ABCB7: variants seen among roughly 807,000 people sequenced by gnomAD.
The protein encoded by ABCB7 is iron-sulfur clusters transporter ABCB7, mitochondrial.
Under a neutral mutation model 54.4 loss-of-function variants are expected in ABCB7, and 7 were observed. The ratio of observed to expected loss-of-function variants is 0.13; its 90% CI spans 0.07 to 0.24. The LOEUF (loss-of-function observed/expected upper bound fraction) is 0.24. Among genes scored for constraint, ABCB7 ranks in the 10% least tolerant of loss-of-function variants. The probability of loss-of-function intolerance (pLI) is 1.00; values close to 1 mark genes in which losing one functional copy is unlikely to be tolerated. For missense variants in ABCB7, 356 were observed against 570.4 expected (o/e 0.62, Z 3.83); for synonymous variants, 218 against 207.1 (o/e 1.05, Z -0.45).
intron 1 of ABCB7, among the ~76,000 whole-genome samples, chrX:75,117,357 C>T (rs555763081): frequency 1.1e-4 from 12 of 110,963 alleles, no homozygotes; most frequent in East Asian, 5.7e-4. Context: ...AAATCACCTG[C>T]GCACACCAAT....
intron 1 of ABCB7, among the ~76,000 whole-genome samples, chrX:75,131,046 TA>T (rs1348279445): frequency 9.1e-6 from 1 of 109,430 alleles, no homozygotes; most frequent in African/African-American, 3.3e-5. Flanking sequence ...CAGTAAAATT[TA>T]AAAACATGTA....
intron 3 of ABCB7, among the ~76,000 whole-genome samples, chrX:75,102,092 C>G (rs1430657379): frequency 9.0e-6 from 1 of 111,016 alleles, no homozygotes; most frequent in East Asian, 2.8e-4. Flanking sequence ...TTATGGGGTA[C>G]ACGTGAGATT....
chrX:75,102,044 G>A (rs972832821), intron 3 of ABCB7, among the ~76,000 whole-genome samples: 1 of 111,130 alleles, frequency 9.0e-6, no homozygotes, highest in Non-Finnish European at 1.9e-5. Flanking sequence ...TTCAGAGTCC[G>A]AGGCACAGTT....
chrX:75,085,982 G>A (rs1389463408), intron 4 of ABCB7, among the ~76,000 whole-genome samples: 2 of 109,340 alleles, frequency 1.8e-5, no homozygotes, highest in African/African-American at 6.7e-5. Context: ...GAGTAGCTAG[G>A]ACTACAGGCA....
rs192491460 is a variant in ABCB7, at chrX:75,144,097, T to C, written c.168+12008A>G. 2.7e-5 allele frequency among the ~76,000 whole-genome samples: 3 copies of C among 111,497 alleles called. No individual in the cohort carries two copies. The East Asian group carries it at 8.5e-4, about 31-fold the overall frequency. ...CCTCATGACAGGCAATGCAGGCACT[T>C]ATCACTTCTCTCCTATATTACTTCA... On this transcript the variant is annotated intron_variant, in intron 1 of 15. Coordinates refer to ENST00000373394, the MANE Select transcript of ABCB7 (RefSeq NM_001271696.3).
rs769912471 is a variant in ABCB7, at chrX:75,065,062, C to T, written c.1831+8G>A. 3 of 1,209,892 alleles carry T rather than the reference C, an allele frequency of 2.5e-6. No individual in the cohort carries two copies. The South Asian group carries it at 5.3e-5, about 21-fold the overall frequency. On this transcript the variant is annotated splice_region_variant and intron_variant, in intron 13 of 15. Coordinates refer to ENST00000373394, the MANE Select transcript of ABCB7 (RefSeq NM_001271696.3). ...CAAGAAGGGGGCAGGTCTAAAATCT[C>T]TGATCACCTGAAAGCTTGAGTCCTC... is the stretch of plus-strand genomic sequence containing the variant.
chrX:75,058,548 T>C (rs900900569), intron 15 of ABCB7, among the ~76,000 whole-genome samples: 16 of 111,883 alleles, frequency 1.4e-4, no homozygotes, highest in Admixed American at 1.3e-3. Flanking sequence ...GCTAAGGTCA[T>C]ATTAGTTTCA....
intron 1 of ABCB7, among the ~76,000 whole-genome samples, chrX:75,126,814 T>G (rs1470255420): frequency 4.5e-5 from 5 of 111,342 alleles, no homozygotes; most frequent in Admixed American, 9.5e-5. Context: ...CTAGAAGAAA[T>G]GGATAAAATC....
Position 75,094,044 on chromosome X carries a change from ATATATATATC to A in ABCB7, c.453+4888_453+4897del, listed in dbSNP as rs1201707257. Among the ~76,000 whole-genome samples, 133 of 22,348 alleles carry A rather than the reference ATATATATATC, an allele frequency of 6.0e-3. 2 individuals carry two copies. The highest frequency in any genetic ancestry group is 8.4e-3 in the Admixed American group (11 of 1,317). 19.4% of individuals were successfully genotyped at this position (22,348 alleles called of 115,157 possible). The stretch of plus-strand genomic sequence containing the variant: ...CATATATATATATATATATATATAT[ATATATATATC>A]TATCTTATTATTTGTTAGTCACTCA... On this transcript the variant is annotated intron_variant, in intron 4 of 15. Coordinates refer to ENST00000373394, the MANE Select transcript of ABCB7 (RefSeq NM_001271696.3).
chrX:75,078,009 G>A (rs5981762), intron 4 of ABCB7, among the ~76,000 whole-genome samples: 3,047 of 107,580 alleles, frequency 0.028, 116 homozygotes, highest in African/African-American at 0.099. Flanking sequence ...CGCCTCCTGG[G>A]TTCAAGCGAT....
chrX:75,092,551 A>G (rs2081552816), intron 4 of ABCB7, among the ~76,000 whole-genome samples: 1 of 111,682 alleles, frequency 9.0e-6, no homozygotes, highest in Non-Finnish European at 1.9e-5. Flanking sequence ...TGATCCATGA[A>G]AGACTGGTAA....
chrX:75,073,262 T>G (rs1177946564), intron 8 of ABCB7, among the ~76,000 whole-genome samples: 2 of 112,078 alleles, frequency 1.8e-5, no homozygotes, highest in East Asian at 5.6e-4. Context: ...TATCAAATAT[T>G]AAATGATGGG....
chrX:75,084,663 A>C (rs1048375891), intron 4 of ABCB7, among the ~76,000 whole-genome samples: 13 of 112,003 alleles, frequency 1.2e-4, no homozygotes, highest in African/African-American at 3.9e-4. Flanking sequence ...TTTGTTCTAC[A>C]TAAAATACTA....
chrX:75,131,852 G>C (rs764984972), intron 1 of ABCB7, among the ~76,000 whole-genome samples: 1 of 111,669 alleles, frequency 9.0e-6, no homozygotes, highest in Admixed American at 9.5e-5. Context: ...TCTCTCTGAG[G>C]AAGAAATCCC....
chrX:75,133,537 C>A (rs1218139560), intron 1 of ABCB7, among the ~76,000 whole-genome samples: 1 of 111,137 alleles, frequency 9.0e-6, no homozygotes, highest in Admixed American at 9.6e-5. Flanking sequence ...GTCATCAGAT[C>A]CCCCAAGGTC....
intron 4 of ABCB7, among the ~76,000 whole-genome samples, chrX:75,089,280 T>C (rs1370042066): frequency 8.9e-6 from 1 of 112,059 alleles, no homozygotes; most frequent in Non-Finnish European, 1.9e-5. Flanking sequence ...AATAAATTAA[T>C]GTAAAATAAA....
At chrX:75,147,988 C>T (rs764972199) in intron 1 of ABCB7, among the ~76,000 whole-genome samples, 9 of 111,101 alleles carry the variant, frequency 8.1e-5, no homozygotes, top group East Asian at 2.9e-4. Context: ...TGGTGGTGTG[C>T]GCCTGTAATC....
At chrX:75,065,300 G>C (rs2081310070) in intron 12 of ABCB7, 59 bp from the exon 13 acceptor site, 5 of 1,038,016 alleles carry the variant, frequency 4.8e-6, no homozygotes, top group Non-Finnish European at 6.6e-6. Context: ...CTCTATTTAT[G>C]TTCATTATTA....
At chrX:75,104,186 G>C (rs1177563150) in intron 3 of ABCB7, among the ~76,000 whole-genome samples, 2 of 102,087 alleles carry the variant, frequency 2.0e-5, no homozygotes, top group Non-Finnish European at 4.0e-5. Flanking sequence ...CTACTGTGCT[G>C]AAAGTTTTTA....
Sources: allele counts gnomAD v4.1 joint callset (sites outside exome capture counted in the v4.1 genomes callset), GRCh38; gene constraint gnomAD v4.1.1; transcripts MANE v1.5; gene names NCBI Gene and HGNC (gene_info 2026-07-23, HGNC 2026-07-21).